Variants in AGBL4 observed in about 807,000 individuals in gnomAD.
AGBL4 encodes the protein cytosolic carboxypeptidase 6.
AGBL4 carries 58 observed loss-of-function variants against 66.4 expected under a neutral mutation model. That is an observed-to-expected ratio of 0.87 (90% CI 0.71 to 1.09). AGBL4 has a LOEUF of 1.09. Among genes scored for constraint, AGBL4 ranks in the 50% least tolerant of loss-of-function variants. The probability of loss-of-function intolerance (pLI) is 0.00; values close to 1 mark genes in which losing one functional copy is unlikely to be tolerated. For missense variants in AGBL4, 579 were observed against 631.0 expected (o/e 0.92, Z 0.88); for synonymous variants, 234 against 222.9 (o/e 1.05, Z -0.44).
At chr1:48,668,499 GC>G (rs1451743868) in intron 6 of AGBL4, among the ~76,000 whole-genome samples, 110 of 152,206 alleles carry the variant, frequency 7.2e-4, no homozygotes, top group African/African-American at 2.4e-3. Context: ...ACAGGCCCCA[GC>G]CCCAGCTAGC....
chr1:48,803,128 G>T (rs1234617777), intron 6 of AGBL4, among the ~76,000 whole-genome samples: 1 of 152,200 alleles, frequency 6.6e-6, no homozygotes, highest in Non-Finnish European at 1.5e-5. Context: ...CTTGGTTTCT[G>T]CCCAATGCCA....
At chr1:49,862,652 G>A (rs1646602890) in intron 1 of AGBL4, among the ~76,000 whole-genome samples, 1 of 152,068 alleles carries the variant, frequency 6.6e-6, no homozygotes, top group African/African-American at 2.4e-5. Context: ...GCAAGAGAAA[G>A]GAAACAAATA....
chr1:48,764,014 C>T (rs1644407649), intron 6 of AGBL4, among the ~76,000 whole-genome samples: 1 of 152,156 alleles, frequency 6.6e-6, no homozygotes, highest in Non-Finnish European at 1.5e-5. Flanking sequence ...TTAACCTTTA[C>T]TGAGAATTTA....
At chr1:49,751,238 T>C (rs1022924874) in intron 2 of AGBL4, among the ~76,000 whole-genome samples, 3 of 152,196 alleles carry the variant, frequency 2.0e-5, no homozygotes, top group African/African-American at 7.2e-5. Flanking sequence ...ATAGCTCTTA[T>C]TATTTTGAGA....
At chr1:49,391,658 T>G (rs1644851944) in intron 3 of AGBL4, among the ~76,000 whole-genome samples, 2 of 149,978 alleles carry the variant, frequency 1.3e-5, no homozygotes, top group East Asian at 4.0e-4. Context: ...GCCTCCCGGG[T>G]TCACACCATT....
At position 49,987,955 on chromosome 1, in the gene AGBL4, CA is replaced by C. The variant is rs560861727; in HGVS notation, c.34+35807del. On this transcript the variant is annotated intron_variant, in intron 1 of 13. Transcript: ENST00000371839. ...CTGAAAAAACATGTACGAATTTAAC[CA>C]AAAAAAAAAACCCCTATTCTTTTTT... is the stretch of plus-strand genomic sequence containing the variant. Among the ~76,000 whole-genome samples the C allele has an allele frequency of 1.3e-3, 181 of 139,908 alleles. 1 individual carries two copies. The highest frequency in any genetic ancestry group is 9.8e-3 in the South Asian group (43 of 4,382). 91.8% of individuals were successfully genotyped at this position (139,908 alleles called of 152,430 possible).
chr1:49,370,482 G>A (rs1644319635), intron 3 of AGBL4, among the ~76,000 whole-genome samples: 2 of 152,048 alleles, frequency 1.3e-5, no homozygotes, highest in African/African-American at 4.8e-5. Context: ...TGGATTAAAA[G>A]GGGACCACCC....
chr1:49,432,789 T>C (rs2148658705), intron 3 of AGBL4, among the ~76,000 whole-genome samples: 1 of 152,266 alleles, frequency 6.6e-6, no homozygotes, highest in East Asian at 1.9e-4. Flanking sequence ...ATCTCAAAAG[T>C]TGTAAGTGTC....
chr1:49,461,453 T>A (rs1383449928), intron 3 of AGBL4, among the ~76,000 whole-genome samples: 1 of 151,448 alleles, frequency 6.6e-6, no homozygotes, highest in African/African-American at 2.4e-5. Flanking sequence ...GTTGTGATTT[T>A]TTTTTTATTT....
At chr1:48,608,645 T>C (rs868225412) in intron 9 of AGBL4, among the ~76,000 whole-genome samples, 1 of 152,140 alleles carries the variant, frequency 6.6e-6, no homozygotes, top group Non-Finnish European at 1.5e-5. Context: ...AGCAGTAAGT[T>C]AGAAACACAT....
intron 1 of AGBL4, among the ~76,000 whole-genome samples, chr1:49,948,175 T>G (rs1228200333): frequency 9.9e-6 from 1 of 100,578 alleles, no homozygotes; most frequent in Non-Finnish European, 1.7e-5. Flanking sequence ...TATAAATATA[T>G]ATAACTATAT....
chr1:49,761,589 T>C lies in AGBL4; in HGVS notation c.158-64152A>G, dbSNP rs564350381. 6.4e-4 allele frequency among the ~76,000 whole-genome samples: 97 copies of C among 152,336 alleles called. 3 individuals are homozygous for C. The South Asian group carries it at 0.019, about 29-fold the overall frequency. On this transcript the variant is annotated intron_variant, in intron 2 of 13. Transcript: ENST00000371839. ...TTCTTAAATTGACACATTGTAATTG[T>C]AGATATTTATGCAATACAAATCAAT... is the stretch of plus-strand genomic sequence containing the variant.
intron 4 of AGBL4, among the ~76,000 whole-genome samples, chr1:49,062,259 G>C (rs755884684): frequency 4.6e-5 from 7 of 152,148 alleles, no homozygotes; most frequent in Admixed American, 1.3e-4. Context: ...TAGGTCAAGA[G>C]TTACTTATCT....
intron 3 of AGBL4, among the ~76,000 whole-genome samples, chr1:49,694,671 T>C (rs141756941): frequency 5.1e-4 from 77 of 152,214 alleles, no homozygotes; most frequent in African/African-American, 1.6e-3. Flanking sequence ...AGTTAATTGA[T>C]AGATAAGATT....
chr1:48,925,742 A>G (rs1253603484), intron 5 of AGBL4, among the ~76,000 whole-genome samples: 1 of 152,192 alleles, frequency 6.6e-6, no homozygotes, highest in Non-Finnish European at 1.5e-5. Flanking sequence ...TGCAGAACTT[A>G]CGGATATGGA....
intron 4 of AGBL4, among the ~76,000 whole-genome samples, chr1:49,074,700 A>C (rs1644677209): frequency 6.6e-6 from 1 of 152,214 alleles, no homozygotes. Context: ...CTAAAAAAAT[A>C]ACTAGTATTT....
rs539664827 is a variant in AGBL4, at chr1:50,010,694, G to C, written c.34+13069C>G. ...ATACAATGAAATCATTTTCAACAAA[G>C]GTGCCAAGAACATACACTGGGGAAA... is the stretch of plus-strand genomic sequence containing the variant. On this transcript the variant is annotated intron_variant, in intron 1 of 13. Coordinates refer to ENST00000371839, the MANE Select transcript of AGBL4 (RefSeq NM_032785.4). 3.9e-5 allele frequency among the ~76,000 whole-genome samples: 6 copies of C among 152,156 alleles called. No individual in the cohort carries two copies. In the South Asian group the frequency reaches 8.3e-4, roughly 21 times the overall value.
chr1:49,582,305 C>CT (rs2148884903), intron 3 of AGBL4, among the ~76,000 whole-genome samples: 1 of 152,290 alleles, frequency 6.6e-6, no homozygotes, highest in South Asian at 2.1e-4. Flanking sequence ...GTAACAGCCC[C>CT]TGTGCTGAGG....
intron 3 of AGBL4, among the ~76,000 whole-genome samples, chr1:49,593,255 A>G (rs2124097824): frequency 6.6e-6 from 1 of 152,106 alleles, no homozygotes; most frequent in South Asian, 2.1e-4. Context: ...AAAATACAAA[A>G]AATTAGCCGG....
Sources: gnomAD v4.1 joint callset for allele counts (sites outside exome capture counted in the v4.1 genomes callset) on GRCh38, gnomAD v4.1.1 for gene constraint, MANE v1.5 for transcripts, NCBI Gene and HGNC (gene_info 2026-07-23, HGNC 2026-07-21) for gene names.